Variants in TFCP2L1 observed in about 807,000 individuals in gnomAD.
TFCP2L1 encodes transcription factor CP2-like protein 1.
A neutral mutation model predicts 72.2 loss-of-function variants in TFCP2L1; 12 were observed. That is an observed-to-expected ratio of 0.17 (90% confidence interval 0.11 to 0.27). TFCP2L1 has a LOEUF of 0.27. Ranked by LOEUF, TFCP2L1 falls within the 10% of genes least tolerant of loss-of-function variation. TFCP2L1 has a pLI of 1.00. For synonymous variants in TFCP2L1, 260 were observed against 251.0 expected, an observed-to-expected ratio of 1.04 and a Z score of -0.34; for missense variants, 488 against 624.6, an observed-to-expected ratio of 0.78 and a Z score of 2.33.
chr2:121,231,879 G>A lies in TFCP2L1; in HGVS notation c.1288C>T (p.His430Tyr). 6.2e-7 allele frequency: 1 copy of A among 1,613,712 alleles called. No individual in the cohort carries two copies. The highest frequency in any genetic ancestry group is 8.5e-7 in the Non-Finnish European group (1 of 1,179,796). ...GTGGGGCCCTGCCGGTAGACTCGGT[G>A]GATGTGCTGGGGGGAGATGCTGTAC... is the stretch of plus-strand genomic sequence containing the variant. Reference protein sequence around the residue: ...NLYSISPQHIHRVYRQGPTGI... With the variant: ...NLYSISPQHIYRVYRQGPTGI... Residue 430 changes from histidine (H) to tyrosine (Y), a missense_variant, in exon 13 of 15, where the codon CAC becomes TAC. Physicochemically the swap from His to Tyr is moderately conservative, Grantham distance 83. Around this residue, in one of 3 missense-constraint regions of TFCP2L1, gnomAD observed 286 missense variants for 329.0 expected, o/e 0.87. Transcript: ENST00000263707.
At chr2:121,224,698 G>A (rs1417563146) in intron 14 of TFCP2L1, among the ~76,000 whole-genome samples, 5 of 152,198 alleles carry the variant, frequency 3.3e-5, no homozygotes, top group Non-Finnish European at 5.9e-5. Flanking sequence ...GACACTTGGT[G>A]GTGGCTGGGC....
At chr2:121,224,510 A>G in intron 14 of TFCP2L1, 123 bp from the exon 15 acceptor site, 1 of 894,540 alleles carries the variant, frequency 1.1e-6, no homozygotes, top group South Asian at 1.5e-5. Context: ...GGCTGCATAC[A>G]GCAAAGCGTG....
At chr2:121,240,732 G>T in intron 7 of TFCP2L1, 1 of 985,412 alleles carries the variant, frequency 1.0e-6, no homozygotes, top group Non-Finnish European at 1.2e-6. Context: ...AACACTCTGG[G>T]CAGTGGCACC....
At chr2:121,248,133 T>C (rs1170055339) in intron 5 of TFCP2L1, 31 bp downstream of exon 5, 4 of 1,601,996 alleles carry the variant, frequency 2.5e-6, no homozygotes, top group Non-Finnish European at 3.4e-6. Flanking sequence ...GACTAGGTCT[T>C]CCCCTGGAGG....
intron 2 of TFCP2L1, among the ~76,000 whole-genome samples, chr2:121,253,889 G>A (rs1049120115): frequency 5.3e-5 from 8 of 151,922 alleles, no homozygotes; most frequent in East Asian, 1.9e-4. Context: ...GCCTACCCCC[G>A]TGCCAACACA....
chr2:121,235,334 T>C, intron 10 of TFCP2L1, 23 bp from the exon 11 acceptor site: 1 of 1,599,822 alleles, frequency 6.3e-7, no homozygotes, highest in Non-Finnish European at 8.5e-7. Context: ...AAAACGGGGA[T>C]GCCTGTTACA....
rs757429425 is a variant in TFCP2L1, at chr2:121,232,382, G to A, written c.1199-414C>T. 3.3e-5 allele frequency among the ~76,000 whole-genome samples: 5 copies of A among 151,908 alleles called. 1 individual carries two copies. The highest frequency in any genetic ancestry group is 6.3e-3 in the Middle Eastern group (2 of 316). Reference sequence around the variant, plus strand: ...TCAAACTCCTGACCTCAGGTGATCCGCTCGCCTCAGCCTCCCAAAGTGCTG... The same window carrying A: ...TCAAACTCCTGACCTCAGGTGATCCACTCGCCTCAGCCTCCCAAAGTGCTG... On this transcript the variant is annotated intron_variant, in intron 12 of 14. Coordinates refer to ENST00000263707, the MANE Select transcript of TFCP2L1 (RefSeq NM_014553.3).
At chr2:121,281,943 G>A (rs1213535968) in intron 1 of TFCP2L1, among the ~76,000 whole-genome samples, 4 of 143,984 alleles carry the variant, frequency 2.8e-5, no homozygotes, top group Non-Finnish European at 6.1e-5. Context: ...TTGGGCGGGG[G>A]CGGGGGGGAC....
chr2:121,227,637 C>T (rs551871580), intron 13 of TFCP2L1, among the ~76,000 whole-genome samples: 9 of 152,006 alleles, frequency 5.9e-5, no homozygotes, highest in Non-Finnish European at 1.0e-4. Context: ...GCTGAGATCA[C>T]ATCACTGCAC....
intron 10 of TFCP2L1, among the ~76,000 whole-genome samples, chr2:121,235,574 C>CTTTTTTTT (rs34634906): frequency 1.7e-5 from 2 of 119,838 alleles, no homozygotes; most frequent in Admixed American, 8.9e-5. Flanking sequence ...TTCTTTCTTT[C>CTTTTTTTT]TTTTTTTTTT....
Position 121,264,749 on chromosome 2 carries a change from C to A in TFCP2L1, c.215-15102G>T, listed in dbSNP as rs370778316. 1.1e-3 allele frequency among the ~76,000 whole-genome samples: 175 copies of A among 152,306 alleles called. 6 individuals carry two copies. In the South Asian group the frequency reaches 0.032, roughly 27 times the overall value. On this transcript the variant is annotated intron_variant, in intron 2 of 14. Transcript: ENST00000263707. ...GCGCTTCGGGGGCCCAGCTTTGGGACACTCTGCTTTATGAGGCTGGCAGAT... is the reference window on the plus strand; with the variant it reads ...GCGCTTCGGGGGCCCAGCTTTGGGAAACTCTGCTTTATGAGGCTGGCAGAT...
At chr2:121,277,773 A>G (rs1424940072) in intron 2 of TFCP2L1, among the ~76,000 whole-genome samples, 1 of 152,224 alleles carries the variant, frequency 6.6e-6, no homozygotes, top group Non-Finnish European at 1.5e-5. Flanking sequence ...AGTAAATGAA[A>G]AAAAGGATAT....
chr2:121,260,499 G>C (rs968553984), intron 2 of TFCP2L1, among the ~76,000 whole-genome samples: 1 of 152,198 alleles, frequency 6.6e-6, no homozygotes, highest in Non-Finnish European at 1.5e-5. Flanking sequence ...CTCCTACGGA[G>C]CCCTACCCAT....
At chr2:121,281,051 A>C in intron 2 of TFCP2L1, 69 bp downstream of exon 2, 3 of 1,601,758 alleles carry the variant, frequency 1.9e-6, no homozygotes, top group Non-Finnish European at 2.6e-6. Context: ...ACAAGGCCCA[A>C]ATGGGCCTTT....
intron 2 of TFCP2L1, among the ~76,000 whole-genome samples, chr2:121,278,238 T>G (rs1439780477): frequency 2.7e-5 from 4 of 147,674 alleles, no homozygotes; most frequent in Non-Finnish European, 4.5e-5. Flanking sequence ...GGGTTTCACC[T>G]TGTTAGCCAG....
intron 12 of TFCP2L1, among the ~76,000 whole-genome samples, 164 bp from the exon 13 acceptor site, chr2:121,232,132 G>GTT (rs1386770556): frequency 6.8e-6 from 1 of 146,136 alleles, no homozygotes; most frequent in South Asian, 2.1e-4. Context: ...GTTTTGTTTT[G>GTT]TTTTGTTTTG....
intron 2 of TFCP2L1, among the ~76,000 whole-genome samples, chr2:121,262,186 G>A (rs1341792255): frequency 6.6e-6 from 1 of 152,164 alleles, no homozygotes; most frequent in East Asian, 1.9e-4. Flanking sequence ...ATAATAATAG[G>A]CCAGCCACAG....
At chr2:121,259,859 A>T (rs924946973) in intron 2 of TFCP2L1, among the ~76,000 whole-genome samples, 3 of 152,228 alleles carry the variant, frequency 2.0e-5, no homozygotes, top group Non-Finnish European at 4.4e-5. Context: ...ACAACTAGGG[A>T]TATATTGCAT....
chr2:121,284,690 T>C (rs1030593263), intron 1 of TFCP2L1, among the ~76,000 whole-genome samples: 26 of 152,282 alleles, frequency 1.7e-4, no homozygotes, highest in African/African-American at 6.0e-4. Context: ...GGAAGTTTCC[T>C]CTGCTTCTCC....
Sources: allele counts gnomAD v4.1 joint callset (sites outside exome capture counted in the v4.1 genomes callset), GRCh38; gene constraint gnomAD v4.1.1; regional missense constraint gnomAD v4.1.1; transcripts MANE v1.5; gene names NCBI Gene and HGNC (gene_info 2026-07-23, HGNC 2026-07-21).